SPON1: variants seen among roughly 807,000 people sequenced by gnomAD.
SPON1 encodes the protein spondin 1.
A neutral mutation model predicts 111.7 loss-of-function variants in SPON1; 52 were observed. The observed-to-expected ratio is 0.47, with a 90% confidence interval of 0.37 to 0.59. SPON1 has a LOEUF of 0.59. SPON1 is among the 20% of genes least tolerant of loss of function. The pLI is 0.00. For synonymous variants in SPON1, 410 were observed against 395.8 expected, an observed-to-expected ratio of 1.04 and a Z score of -0.43; for missense variants, 957 against 1,068.5, an observed-to-expected ratio of 0.90 and a Z score of 1.46.
intron 6 of SPON1, among the ~76,000 whole-genome samples, chr11:14,162,953 C>T (rs1456280290): frequency 6.6e-6 from 1 of 152,176 alleles, no homozygotes; most frequent in East Asian, 1.9e-4. Flanking sequence ...GTCAAGAGAG[C>T]TTCTGCAATA....
At chr11:14,144,538 G>A (rs1847695746) in intron 6 of SPON1, among the ~76,000 whole-genome samples, 1 of 151,834 alleles carries the variant, frequency 6.6e-6, no homozygotes, top group Non-Finnish European at 1.5e-5. Context: ...GCTGAGGCAG[G>A]AGAATCACTT....
At chr11:14,229,372 A>G (rs565648150) in intron 6 of SPON1, among the ~76,000 whole-genome samples, 2 of 152,314 alleles carry the variant, frequency 1.3e-5, no homozygotes, top group South Asian at 4.1e-4. Context: ...GGAGCATTCC[A>G]GACAGAAGGA....
chr11:14,256,686 GATGAAGGTAC>G lies in SPON1; in HGVS notation c.1304_1309+4del. On this transcript the variant is annotated splice_donor_variant and splice_donor_region_variant and coding_sequence_variant and intron_variant, in exon 10 of 16. Transcript: ENST00000576479. LOFTEE classifies it high-confidence loss of function. ...AGCTGACCTGGCTCCAGAAGAGAAA[GATGAAGGTAC>G]GTTGTTTTCTTTTGTTGCAGGTGGC... The G allele has an allele frequency of 6.2e-7, 1 of 1,613,222 alleles. No individual in the cohort carries two copies. Among genetic ancestry groups the G allele is most frequent in the Non-Finnish European group, 8.5e-7 (1 of 1,179,384 alleles).
intron 6 of SPON1, among the ~76,000 whole-genome samples, chr11:14,223,336 C>A (rs1218225652): frequency 6.6e-6 from 1 of 152,088 alleles, no homozygotes; most frequent in Admixed American, 6.6e-5. Flanking sequence ...TGCACTCCAG[C>A]CTGGGCGATA....
chr11:13,963,464 C>A (rs117702312), intron 1 of SPON1, among the ~76,000 whole-genome samples: 1 of 152,318 alleles, frequency 6.6e-6, no homozygotes, highest in East Asian at 1.9e-4. Flanking sequence ...CTCCCCCGGC[C>A]GTCTGCAGGA....
At position 14,038,415 on chromosome 11, in the gene SPON1, G is replaced by A. The variant is rs577492832; in HGVS notation, c.346-3106G>A. ...ACGTGGGAGGCAGAGGTTATAGTGA[G>A]CTGAGATGGCACCACTGCACTCCAG... On this transcript the variant is annotated intron_variant, in intron 2 of 15. Coordinates refer to ENST00000576479, the MANE Select transcript of SPON1 (RefSeq NM_006108.4). 5.3e-5 allele frequency among the ~76,000 whole-genome samples: 8 copies of A among 151,910 alleles called. No individual in the cohort carries two copies. In the South Asian group the frequency reaches 1.3e-3, roughly 24 times the overall value.
At chr11:14,247,677 AAG>A (rs1242924524) in intron 7 of SPON1, among the ~76,000 whole-genome samples, 4 of 152,170 alleles carry the variant, frequency 2.6e-5, no homozygotes, top group African/African-American at 9.7e-5. Context: ...GGGGTGGAGA[AAG>A]AGCAGTCAAG....
chr11:14,220,239 G>A (rs1389237257), intron 6 of SPON1, among the ~76,000 whole-genome samples: 3 of 152,116 alleles, frequency 2.0e-5, no homozygotes, highest in Non-Finnish European at 4.4e-5. Context: ...CAGTTCCTCT[G>A]GTTGAACCCT....
intron 6 of SPON1, among the ~76,000 whole-genome samples, chr11:14,187,826 C>A (rs988637713): frequency 2.6e-5 from 4 of 151,248 alleles, no homozygotes; most frequent in African/African-American, 9.7e-5. Context: ...GTTGCCCAGG[C>A]CTGGAGTGTA....
intron 2 of SPON1, among the ~76,000 whole-genome samples, chr11:13,999,826 G>A (rs926849215): frequency 6.6e-6 from 1 of 152,022 alleles, no homozygotes; most frequent in African/African-American, 2.4e-5. Context: ...TTTTTCCCTT[G>A]GACACAAACT....
chr11:14,159,371 CA>C (rs149488208), intron 6 of SPON1, among the ~76,000 whole-genome samples: 1,838 of 152,118 alleles, frequency 0.012, 33 homozygotes, highest in African/African-American at 0.042. Flanking sequence ...ATCTAAAAGA[CA>C]GGCAATAAAA....
At chr11:14,157,564 C>G (rs1847863529) in intron 6 of SPON1, among the ~76,000 whole-genome samples, 1 of 152,060 alleles carries the variant, frequency 6.6e-6, no homozygotes, top group Non-Finnish European at 1.5e-5. Flanking sequence ...GCATCCATGT[C>G]TTGGTATCTT....
intron 6 of SPON1, among the ~76,000 whole-genome samples, chr11:14,208,972 C>T (rs1848544719): frequency 6.6e-6 from 1 of 152,296 alleles, no homozygotes; most frequent in Middle Eastern, 3.4e-3. Context: ...TTGTTTGCCT[C>T]ATAAGTGTTA....
chr11:14,015,122 G>C (rs1554914175), intron 2 of SPON1, among the ~76,000 whole-genome samples: 1 of 152,180 alleles, frequency 6.6e-6, no homozygotes, highest in East Asian at 1.9e-4. Context: ...TTTCTTATGA[G>C]TGTAAATGCT....
intron 3 of SPON1, among the ~76,000 whole-genome samples, chr11:14,074,094 T>C (rs1416535208): frequency 1.3e-5 from 2 of 152,218 alleles, no homozygotes; most frequent in African/African-American, 4.8e-5. Context: ...GGGTGAAGAC[T>C]GTTATTCTCT....
At chr11:14,045,533 C>G (rs943409479) in intron 3 of SPON1, among the ~76,000 whole-genome samples, 7 of 151,640 alleles carry the variant, frequency 4.6e-5, no homozygotes, top group Non-Finnish European at 8.8e-5. Flanking sequence ...AGCTGAGATC[C>G]TGCCACTGCC....
At chr11:13,977,704 C>T (rs1554909177) in intron 1 of SPON1, among the ~76,000 whole-genome samples, 1 of 120,774 alleles carries the variant, frequency 8.3e-6, no homozygotes, top group East Asian at 2.7e-4. Context: ...ATATCTTCTC[C>T]TTTATTGTTA....
At chr11:14,017,606 T>C (rs1272873801) in intron 2 of SPON1, among the ~76,000 whole-genome samples, 3 of 152,156 alleles carry the variant, frequency 2.0e-5, no homozygotes, top group African/African-American at 4.8e-5. Flanking sequence ...ATTTTACAGA[T>C]GAAAAGTTAG....
chr11:13,995,165 G>A (rs1034338864), intron 2 of SPON1, among the ~76,000 whole-genome samples: 2 of 152,154 alleles, frequency 1.3e-5, no homozygotes, highest in African/African-American at 4.8e-5. Flanking sequence ...CTAGCACTGT[G>A]AGTGTTACAT....
Sources: allele counts gnomAD v4.1 joint callset (sites outside exome capture counted in the v4.1 genomes callset), GRCh38; gene constraint gnomAD v4.1.1; transcripts MANE v1.5; gene names NCBI Gene and HGNC (gene_info 2026-07-23, HGNC 2026-07-21).